Variants in TENM2 observed in about 807,000 individuals in gnomAD.
The protein encoded by TENM2 is teneurin-2.
Under a neutral mutation model 245.2 loss-of-function variants are expected in TENM2, and 52 were observed. The ratio of observed to expected loss-of-function variants is 0.21; its 90% confidence interval spans 0.17 to 0.27. The LOEUF is 0.27. Ranked by LOEUF, TENM2 falls within the 10% of genes least tolerant of loss-of-function variation. TENM2 has a pLI of 1.00. For missense variants in TENM2, 3,046 were observed against 3,666.8 expected, an observed-to-expected ratio of 0.83 and a Z score of 4.37; for synonymous variants, 1,363 against 1,438.9, an observed-to-expected ratio of 0.95 and a Z score of 1.19.
At chr5:167,355,889 A>G (rs1156693599) in intron 1 of TENM2, among the ~76,000 whole-genome samples, 1 of 149,798 alleles carries the variant, frequency 6.7e-6, no homozygotes, top group East Asian at 2.0e-4. Flanking sequence ...TTTTTTTTAA[A>G]GCTAGGAAGA....
chr5:167,691,804 G>A (rs1028628440), intron 2 of TENM2, among the ~76,000 whole-genome samples: 11 of 152,154 alleles, frequency 7.2e-5, no homozygotes, highest in Middle Eastern at 3.2e-3. Flanking sequence ...GGGGGATCTC[G>A]CTGGCAGGGG....
the TENM2 span, among the ~76,000 whole-genome samples, chr5:167,167,875 T>C: frequency 6.6e-6 from 1 of 152,138 alleles, no homozygotes; most frequent in Non-Finnish European, 1.5e-5. Flanking sequence ...GCAGGAGACT[T>C]ACAAGACAAA....
chr5:167,020,202 A>G, the TENM2 span, among the ~76,000 whole-genome samples: 2 of 152,118 alleles, frequency 1.3e-5, no homozygotes, highest in South Asian at 2.1e-4. Flanking sequence ...AACATAACCT[A>G]TTTGTGAGTA....
chr5:167,462,320 C>T (rs1766367251), intron 2 of TENM2, among the ~76,000 whole-genome samples: 1 of 151,916 alleles, frequency 6.6e-6, no homozygotes, highest in African/African-American at 2.4e-5. Context: ...GGGCTCTGGC[C>T]CCATGGTAGC....
rs966426532 is a variant in TENM2, at chr5:167,759,207, A to C, written c.503-116779A>C. 2.0e-5 allele frequency among the ~76,000 whole-genome samples: 3 copies of C among 151,104 alleles called. No homozygotes were observed. The Admixed American group carries it at 2.0e-4, about 10-fold the overall frequency. The stretch of plus-strand genomic sequence containing the variant: ...TCTGACACTAGATTACTTAACTAGC[A>C]AGTTGCTTAACTTCTCTGTGTCTCA... On this transcript the variant is annotated intron_variant, in intron 2 of 28. Coordinates refer to ENST00000518659, the Ensembl canonical transcript of TENM2.
intron 1 of TENM2, among the ~76,000 whole-genome samples, chr5:167,309,268 T>C (rs1755874010): frequency 6.6e-6 from 1 of 152,318 alleles, no homozygotes; most frequent in South Asian, 2.1e-4. Flanking sequence ...ACTGGGTTGA[T>C]ACTGCAACGT....
the TENM2 span, among the ~76,000 whole-genome samples, chr5:167,084,705 T>C: frequency 0.01 from 1,530 of 152,174 alleles, 19 homozygotes; most frequent in African/African-American, 0.035. Context: ...CAATATTTTC[T>C]GGCACAACTC....
intron 3 of TENM2, among the ~76,000 whole-genome samples, chr5:167,926,215 A>G (rs1197341316): frequency 6.6e-6 from 1 of 152,348 alleles, no homozygotes; most frequent in Non-Finnish European, 1.5e-5. Flanking sequence ...CGTAAAGATG[A>G]AAATGAAAAT....
chr5:167,057,675 G>A, the TENM2 span, among the ~76,000 whole-genome samples: 1 of 152,278 alleles, frequency 6.6e-6, no homozygotes, highest in Middle Eastern at 3.4e-3. Flanking sequence ...AGCACAGGTA[G>A]GTTAGGTTAT....
At chr5:167,448,643 A>G (rs1373512189) in intron 2 of TENM2, among the ~76,000 whole-genome samples, 1 of 151,586 alleles carries the variant, frequency 6.6e-6, no homozygotes, top group East Asian at 1.9e-4. Context: ...ACATAGCACC[A>G]GGAAGCAATA....
intron 2 of TENM2, among the ~76,000 whole-genome samples, chr5:167,427,250 C>T (rs1384651705): frequency 2.0e-5 from 3 of 152,010 alleles, no homozygotes; most frequent in Non-Finnish European, 2.9e-5. Flanking sequence ...GTTGGGGGTT[C>T]GAGATAAGCC....
intron 2 of TENM2, among the ~76,000 whole-genome samples, chr5:167,475,654 C>T (rs1399159545): frequency 6.6e-6 from 1 of 152,058 alleles, no homozygotes; most frequent in Non-Finnish European, 1.5e-5. Context: ...TTGCCCCACC[C>T]TGCCCCACAA....
At chr5:167,938,950 A>C (rs912942709) in intron 3 of TENM2, among the ~76,000 whole-genome samples, 8 of 152,106 alleles carry the variant, frequency 5.3e-5, no homozygotes, top group South Asian at 2.1e-4. Context: ...CTCAAAAAAA[A>C]AAAAAAAAAA....
intron 2 of TENM2, chr5:167,653,225 G>C (rs1459510315): frequency 6.6e-6 from 1 of 152,068 alleles, no homozygotes; most frequent in Non-Finnish European, 1.5e-5. Flanking sequence ...ATGGAAAATA[G>C]AGTAACAGGG....
intron 2 of TENM2, among the ~76,000 whole-genome samples, chr5:167,629,898 G>C (rs1002637489): frequency 6.6e-6 from 1 of 151,814 alleles, no homozygotes; most frequent in Non-Finnish European, 1.5e-5. Flanking sequence ...GGAGGAGGAG[G>C]GGGGAAAGAG....
chr5:167,178,452 A>C, the TENM2 span, among the ~76,000 whole-genome samples: 3 of 152,160 alleles, frequency 2.0e-5, no homozygotes, highest in Non-Finnish European at 4.4e-5. Flanking sequence ...TTGGTCCATA[A>C]CTGTGCTTTA....
intron 2 of TENM2, among the ~76,000 whole-genome samples, chr5:167,854,043 G>A (rs768993188): frequency 2.6e-5 from 4 of 152,096 alleles, no homozygotes; most frequent in African/African-American, 7.2e-5. Flanking sequence ...CAACCAAAGG[G>A]TATGAACACC....
chr5:168,002,035 T>C (rs1562036578), intron 5 of TENM2, among the ~76,000 whole-genome samples: 2 of 152,246 alleles, frequency 1.3e-5, no homozygotes, highest in African/African-American at 4.8e-5. Flanking sequence ...AAGAAAATAT[T>C]ATCCTCCCTT....
chr5:167,133,406 G>T, the TENM2 span, among the ~76,000 whole-genome samples: 1 of 152,124 alleles, frequency 6.6e-6, no homozygotes, highest in South Asian at 2.1e-4. Flanking sequence ...TGCTTGGTTC[G>T]TCATATCTGA....
Sources: gnomAD v4.1 joint callset for allele counts (sites outside exome capture counted in the v4.1 genomes callset) on GRCh38, gnomAD v4.1.1 for gene constraint, MANE v1.5 for transcripts, NCBI Gene and HGNC (gene_info 2026-07-23, HGNC 2026-07-21) for gene names.